Variants in PRKCE observed in about 807,000 individuals in gnomAD.
The protein encoded by PRKCE is protein kinase C epsilon type.
A neutral mutation model predicts 85.4 loss-of-function variants in PRKCE; 16 were observed. The observed-to-expected ratio is 0.19, with a 90% CI of 0.13 to 0.28. The LOEUF (loss-of-function observed/expected upper bound fraction) is 0.28, where lower values mean the gene tolerates loss of function less well. Ranked by LOEUF, PRKCE falls within the 10% of genes least tolerant of loss-of-function variation. The pLI is 1.00. For missense variants in PRKCE, 573 were observed against 975.2 expected (o/e 0.59, Z 5.49); for synonymous variants, 388 against 371.5 (o/e 1.04, Z -0.51).
intron 2 of PRKCE, among the ~76,000 whole-genome samples, chr2:45,867,967 T>C (rs1693741584): frequency 6.6e-6 from 1 of 152,134 alleles, no homozygotes; most frequent in Non-Finnish European, 1.5e-5. Context: ...GGAAGTCCAC[T>C]TGAAGTTTTT....
chr2:46,122,079 C>T (rs541431644), intron 11 of PRKCE, among the ~76,000 whole-genome samples: 14 of 152,180 alleles, frequency 9.2e-5, no homozygotes, highest in Admixed American at 5.9e-4. Flanking sequence ...GTAACCCAAA[C>T]GAAGATACAG....
intron 7 of PRKCE, among the ~76,000 whole-genome samples, chr2:46,002,428 A>G (rs979400400): frequency 1.3e-5 from 2 of 152,166 alleles, no homozygotes; most frequent in African/African-American, 4.8e-5. Context: ...GTCTCCCTGA[A>G]TTTTGCCCTG....
intron 2 of PRKCE, among the ~76,000 whole-genome samples, chr2:45,941,324 C>T (rs1699864091): frequency 6.6e-6 from 1 of 152,126 alleles, no homozygotes; most frequent in Non-Finnish European, 1.5e-5. Flanking sequence ...TGGGCATTTT[C>T]TGCATGTTCA....
intron 2 of PRKCE, among the ~76,000 whole-genome samples, chr2:45,919,143 G>A (rs1698060273): frequency 6.6e-6 from 1 of 152,196 alleles, no homozygotes; most frequent in South Asian, 2.1e-4. Flanking sequence ...AAGACATCAG[G>A]GGTAGGGAGA....
chr2:45,753,827 C>T (rs1289476125), intron 1 of PRKCE, among the ~76,000 whole-genome samples: 1 of 152,166 alleles, frequency 6.6e-6, no homozygotes, highest in Non-Finnish European at 1.5e-5. Context: ...CCCCTCCAGG[C>T]ATCCTAACAT....
intron 10 of PRKCE, among the ~76,000 whole-genome samples, chr2:46,026,693 T>A (rs1015708535): frequency 5.9e-5 from 9 of 152,116 alleles, no homozygotes; most frequent in Non-Finnish European, 1.2e-4. Context: ...AGGGGATTTA[T>A]AAGAGAGTAA....
intron 1 of PRKCE, among the ~76,000 whole-genome samples, chr2:45,751,577 A>T (rs1486947126): frequency 6.6e-6 from 1 of 152,108 alleles, no homozygotes; most frequent in Non-Finnish European, 1.5e-5. Flanking sequence ...TCTCTGAAGG[A>T]GGGCCTGTGG....
chr2:46,080,245 T>C (rs1279116385), intron 10 of PRKCE, among the ~76,000 whole-genome samples: 6 of 152,288 alleles, frequency 3.9e-5, no homozygotes, highest in African/African-American at 1.4e-4. Flanking sequence ...TTCTCAAATG[T>C]GTTAGATTTG....
At chr2:46,166,141 G>C (rs965673797) in intron 14 of PRKCE, among the ~76,000 whole-genome samples, 1 of 152,220 alleles carries the variant, frequency 6.6e-6, no homozygotes, top group Admixed American at 6.5e-5. Context: ...GCTGTGCTGA[G>C]AGAAAACCTG....
chr2:45,878,827 A>G (rs1297761520), intron 2 of PRKCE, among the ~76,000 whole-genome samples: 1 of 152,184 alleles, frequency 6.6e-6, no homozygotes, highest in Non-Finnish European at 1.5e-5. Context: ...CTGTTTCATT[A>G]GTGTTTGCTC....
intron 11 of PRKCE, among the ~76,000 whole-genome samples, chr2:46,133,041 G>A (rs1483709524): frequency 6.6e-6 from 1 of 152,172 alleles, no homozygotes; most frequent in Non-Finnish European, 1.5e-5. Flanking sequence ...CTCCTAGCAC[G>A]TGGCTCCTTA....
At chr2:46,181,133 G>A (rs1000899167) in intron 14 of PRKCE, among the ~76,000 whole-genome samples, 14 of 152,282 alleles carry the variant, frequency 9.2e-5, no homozygotes, top group African/African-American at 3.4e-4. Flanking sequence ...CTGTGCGGGA[G>A]GTAGCAGCTT....
chr2:45,690,105 T>C (rs1677613881), intron 1 of PRKCE, among the ~76,000 whole-genome samples: 1 of 152,222 alleles, frequency 6.6e-6, no homozygotes, highest in African/African-American at 2.4e-5. Flanking sequence ...GAAATTGTTA[T>C]GATAGTCTCA....
intron 2 of PRKCE, among the ~76,000 whole-genome samples, chr2:45,894,556 G>A (rs984823966): frequency 6.6e-6 from 1 of 151,884 alleles, no homozygotes; most frequent in African/African-American, 2.4e-5. Context: ...CTGAAATGTG[G>A]TTGTCTTCAC....
At chr2:45,885,528 G>A (rs1041378958) in intron 2 of PRKCE, among the ~76,000 whole-genome samples, 1 of 152,176 alleles carries the variant, frequency 6.6e-6, no homozygotes, top group Non-Finnish European at 1.5e-5. Flanking sequence ...TACAAAACAA[G>A]CCTGGACCAC....
At chr2:45,795,623 T>G (rs940438949) in intron 1 of PRKCE, among the ~76,000 whole-genome samples, 4 of 152,162 alleles carry the variant, frequency 2.6e-5, no homozygotes, top group Non-Finnish European at 5.9e-5. Flanking sequence ...ACATTTTTAA[T>G]TGCCCAGTCT....
At chr2:45,795,721 C>T (rs1687384549) in intron 1 of PRKCE, among the ~76,000 whole-genome samples, 2 of 152,200 alleles carry the variant, frequency 1.3e-5, no homozygotes. Context: ...TCTGTGGGCC[C>T]TGGTTCCGTC....
chr2:45,876,533 T>G (rs1694496871), intron 2 of PRKCE, among the ~76,000 whole-genome samples: 1 of 152,184 alleles, frequency 6.6e-6, no homozygotes, highest in Non-Finnish European at 1.5e-5. Context: ...TGGGGGTAAA[T>G]CCCACTTTTT....
chr2:45,742,490 C>A (rs946449425), intron 1 of PRKCE, among the ~76,000 whole-genome samples: 1 of 150,678 alleles, frequency 6.6e-6, no homozygotes, highest in Non-Finnish European at 1.5e-5. Flanking sequence ...CCAAAGAAGA[C>A]AGACATATAC....
Sources: gnomAD v4.1 joint callset for allele counts (sites outside exome capture counted in the v4.1 genomes callset) on GRCh38, gnomAD v4.1.1 for gene constraint, MANE v1.5 for transcripts, NCBI Gene and HGNC (gene_info 2026-07-23, HGNC 2026-07-21) for gene names.